Variants in LACTB2 observed in about 807,000 individuals in gnomAD.
LACTB2 encodes the protein lactamase beta 2.
A neutral mutation model predicts 34.8 loss-of-function variants in LACTB2; 32 were observed. That is an observed-to-expected ratio of 0.92 (90% CI 0.69 to 1.24). The LOEUF is 1.24. Among genes scored for constraint, LACTB2 ranks in the 50% most tolerant of loss-of-function variants. The pLI, the probability that LACTB2 is intolerant of heterozygous loss-of-function variation, is 0.00. For missense variants in LACTB2, 320 were observed against 345.0 expected, an observed-to-expected ratio of 0.93 and a Z score of 0.57; for synonymous variants, 120 against 117.5, an observed-to-expected ratio of 1.02 and a Z score of -0.14.
rs1268967806 is a variant in LACTB2, at chr8:70,669,145, T to G, written c.-25A>C. ...TTCCCGCCTCAGCCGCCCGCCGGCGTGTCGCCTATCTGGATACTCCAGCGC... is the reference window on the plus strand; with the variant it reads ...TTCCCGCCTCAGCCGCCCGCCGGCGGGTCGCCTATCTGGATACTCCAGCGC... On this transcript the variant is annotated 5_prime_UTR_variant, in exon 1 of 7. Transcript: ENST00000276590. 3 of 1,611,236 alleles carry G rather than the reference T, an allele frequency of 1.9e-6. No homozygotes were observed. Among genetic ancestry groups the G allele is most frequent in the Non-Finnish European group, 2.5e-6 (3 of 1,178,918 alleles).
intron 4 of LACTB2, among the ~76,000 whole-genome samples, chr8:70,643,527 T>C (rs918396468): frequency 7.1e-6 from 1 of 141,190 alleles, no homozygotes; most frequent in Non-Finnish European, 1.6e-5. Context: ...GTTTTTTTTT[T>C]CCCCCAGACA....
chr8:70,646,951 C>T (rs138031395), intron 3 of LACTB2, among the ~76,000 whole-genome samples: 9 of 152,224 alleles, frequency 5.9e-5, no homozygotes, highest in East Asian at 3.9e-4. Flanking sequence ...CATTTTTATA[C>T]GCTCAGTACT....
intron 2 of LACTB2, among the ~76,000 whole-genome samples, chr8:70,658,356 T>A (rs929448399): frequency 2.6e-5 from 4 of 152,204 alleles, no homozygotes; most frequent in Admixed American, 6.5e-5. Flanking sequence ...GTGGCTAAGA[T>A]ATTAAACCTT....
At chr8:70,651,924 T>C (rs900518701) in intron 3 of LACTB2, 10 of 152,340 alleles carry the variant, frequency 6.6e-5, no homozygotes, top group African/African-American at 2.4e-4. Context: ...CTGTTACTTC[T>C]GTGATAGAGT....
intron 3 of LACTB2, among the ~76,000 whole-genome samples, chr8:70,651,604 T>C (rs1228520660): frequency 2.0e-5 from 3 of 152,088 alleles, no homozygotes; most frequent in Non-Finnish European, 4.4e-5. Flanking sequence ...GCCTCCTTCA[T>C]TATCAGCCCT....
chr8:70,637,894 G>C lies in LACTB2; in HGVS notation c.833C>G (p.Thr278Arg). The change falls in exon 7 of 7, where the codon ACA (threonine) becomes AGA (arginine). Residue 278 changes from threonine (T) to arginine (R), a missense_variant. By Grantham distance (71) the Thr-to-Arg change is moderately conservative. Coordinates refer to ENST00000276590, the MANE Select transcript of LACTB2 (RefSeq NM_016027.3). ...LEKEGKIFSN[T>R]DPDKKWKAHL The stretch of plus-strand genomic sequence containing the variant: ...AGCTTTCCATTTCTTGTCAGGATCT[G>C]TGTTGCTAACTGTAAAAAGAAAATC... 1.3e-6 allele frequency: 2 copies of C among 1,546,082 alleles called. No individual in the cohort carries two copies. Among genetic ancestry groups the C allele is most frequent in the Non-Finnish European group, 1.7e-6 (2 of 1,144,526 alleles).
In LACTB2 at chr8:70,669,114, C is replaced by T; in HGVS notation, c.7G>A (p.Ala3Thr). Residue 3 changes from alanine to threonine, a missense_variant, in exon 1 of 7, where the codon GCT becomes ACT. Physicochemically the swap from Ala to Thr is moderately conservative, Grantham distance 58 (BLOSUM62 0). Transcript: ENST00000276590. MA[A>T]VLQRVERLSN... ...AGCCGCTCGACGCGCTGCAGTACAG[C>T]AGCCATTCCCGCCTCAGCCGCCCGC... 6.3e-7 allele frequency: 1 copy of T among 1,598,518 alleles called. No individual in the cohort carries two copies. Among genetic ancestry groups the T allele is most frequent in the Non-Finnish European group, 8.5e-7 (1 of 1,172,752 alleles).
chr8:70,666,452 T>C (rs1016835411), intron 1 of LACTB2, among the ~76,000 whole-genome samples: 3 of 152,088 alleles, frequency 2.0e-5, no homozygotes, highest in African/African-American at 7.2e-5. Context: ...AAAGCATGCG[T>C]GAAGGCCCTG....
intron 3 of LACTB2, among the ~76,000 whole-genome samples, chr8:70,655,576 C>T (rs560662219): frequency 6.6e-6 from 1 of 152,224 alleles, no homozygotes; most frequent in Non-Finnish European, 1.5e-5. Flanking sequence ...ATATATACCA[C>T]AGTTTCTTTA....
intron 1 of LACTB2, among the ~76,000 whole-genome samples, chr8:70,668,403 G>A (rs778807508): frequency 6.6e-6 from 1 of 152,158 alleles, no homozygotes; most frequent in Non-Finnish European, 1.5e-5. Flanking sequence ...ATACAGGTGT[G>A]TTACTGTGTC....
intron 2 of LACTB2, chr8:70,660,929 C>T: frequency 2.2e-6 from 1 of 456,136 alleles, no homozygotes; most frequent in South Asian, 1.5e-5. Flanking sequence ...AGGTGCACGC[C>T]ACCATACCCG....
chr8:70,657,599 T>G (rs1172070395), intron 3 of LACTB2, among the ~76,000 whole-genome samples, 157 bp downstream of exon 3: 1 of 151,906 alleles, frequency 6.6e-6, no homozygotes, highest in East Asian at 1.9e-4. Context: ...CTCAGCTAAT[T>G]AAATTTTTTT....
rs778450034 is a variant in LACTB2 at position 70,644,149 on chromosome 8, C to T, written c.508G>A (p.Gly170Arg). ...TAGAGGTCTTCAAATACCGTTGTTC[C>T]TTCCCCTAGGATGCAATCTCCAGAA... Reference protein sequence around the residue: ...IFSGDCILGEGTTVFEDLYDY... With the variant: ...IFSGDCILGERTTVFEDLYDY... The change falls in exon 4 of 7, where the codon GGA becomes AGA. Residue 170 changes from glycine to arginine, a missense_variant. Gly to Arg is a moderately radical substitution (Grantham distance 125, BLOSUM62 -2). Coordinates refer to ENST00000276590, the MANE Select transcript of LACTB2 (RefSeq NM_016027.3). 1 of 1,612,988 alleles carries T rather than the reference C, an allele frequency of 6.2e-7. No individual in the cohort carries two copies. The highest frequency in any genetic ancestry group is 8.5e-7 in the Non-Finnish European group (1 of 1,179,364).
intron 4 of LACTB2, 118 bp downstream of exon 4, chr8:70,643,947 G>T: frequency 1.9e-6 from 2 of 1,048,944 alleles, no homozygotes; most frequent in Non-Finnish European, 2.5e-6. Context: ...AGCGCTTTGG[G>T]AGGTTGAGGT....
chr8:70,666,409 G>A (rs371997555), intron 1 of LACTB2, among the ~76,000 whole-genome samples: 2 of 152,194 alleles, frequency 1.3e-5, no homozygotes, highest in East Asian at 1.9e-4. Flanking sequence ...GATTAGCTGG[G>A]TAAAGAAGGG....
intron 1 of LACTB2, among the ~76,000 whole-genome samples, chr8:70,664,033 C>T (rs1454747079): frequency 6.6e-6 from 1 of 152,108 alleles, no homozygotes; most frequent in Non-Finnish European, 1.5e-5. Flanking sequence ...ATGATACCTC[C>T]AATAATACTC....
chr8:70,640,747 T>G (rs1285947402), intron 5 of LACTB2, 155 bp downstream of exon 5: 2 of 880,772 alleles, frequency 2.3e-6, no homozygotes, highest in Non-Finnish European at 3.1e-6. Context: ...TTTTGTTTAA[T>G]TTTAGCACTG....
chr8:70,655,498 A>G (rs1030096657), intron 3 of LACTB2, among the ~76,000 whole-genome samples: 11 of 152,198 alleles, frequency 7.2e-5, no homozygotes, highest in African/African-American at 2.7e-4. Flanking sequence ...CTGGGATTAC[A>G]GGTGTGAGCC....
rs186500402 is a variant in LACTB2, at chr8:70,638,081, A to T, written c.824-178T>A. Among the ~76,000 whole-genome samples, 16 of 152,322 alleles carry T rather than the reference A, an allele frequency of 1.1e-4. 1 individual carries two copies. The highest frequency in any genetic ancestry group is 1.0e-3 in the Admixed American group (16 of 15,290). On this transcript the variant is annotated intron_variant, in intron 6 of 6. Coordinates refer to ENST00000276590, the MANE Select transcript of LACTB2 (RefSeq NM_016027.3). ...TGCTAAGGCTTCTACATCAAATTCAAGCTTAGAATTCTGGATTTTAAGGAT... is the reference window on the plus strand; with the variant it reads ...TGCTAAGGCTTCTACATCAAATTCATGCTTAGAATTCTGGATTTTAAGGAT...
Sources: gnomAD v4.1 joint callset for allele counts (sites outside exome capture counted in the v4.1 genomes callset) on GRCh38, gnomAD v4.1.1 for gene constraint, MANE v1.5 for transcripts, NCBI Gene and HGNC (gene_info 2026-07-23, HGNC 2026-07-21) for gene names.